The following P2RY8 variants were observed in gnomAD, a reference collection of about 807,000 sequenced individuals.
P2RY8 encodes S-geranylgeranyl-glutathione receptor P2RY8.
A neutral mutation model predicts 10.0 loss-of-function variants in P2RY8; 6 were observed. That is an observed-to-expected ratio of 0.60 (90% CI 0.33 to 1.19). The LOEUF is 1.19. Ranked by LOEUF, P2RY8 falls within the 50% of genes most tolerant of loss-of-function variation. P2RY8 has a pLI of 0.04. For missense variants in P2RY8, 456 were observed against 542.0 expected, an observed-to-expected ratio of 0.84 and a Z score of 1.58; for synonymous variants, 276 against 252.5, an observed-to-expected ratio of 1.09 and a Z score of -0.88.
chrX:1,475,742 G>T (rs2091866535), intron 1 of P2RY8, among the ~76,000 whole-genome samples: 2 of 152,172 alleles, frequency 1.3e-5, no homozygotes, highest in East Asian at 3.8e-4. Flanking sequence ...GGAAGACAAG[G>T]ATCTCAAGAC....
chrX:1,492,727 G>C lies in P2RY8; in HGVS notation c.-24-26145C>G, dbSNP rs774823485. On this transcript the variant is annotated intron_variant, in intron 1 of 1. Transcript: ENST00000381297. ...TGCCTCAAGCACTAGGGGTAGGCAGGTTGGGCTCCCAGTTGAGGGACAGAA... is the reference window on the plus strand; with the variant it reads ...TGCCTCAAGCACTAGGGGTAGGCAGCTTGGGCTCCCAGTTGAGGGACAGAA... Among the ~76,000 whole-genome samples the C allele has an allele frequency of 3.3e-5, 5 of 152,246 alleles. No homozygotes were observed. In the South Asian group the frequency reaches 1.0e-3, roughly 32 times the overall value.
rs2092321791 is a variant in P2RY8 at position 1,514,305 on chromosome X, T to A, written c.-25+22616A>T. On this transcript the variant is annotated intron_variant, in intron 1 of 1. Transcript: ENST00000381297. ...TTGGTATGGACACCCGCCCCTTTCC[T>A]TTCCTTTTCCTTTCCTTTCCATTTC... Among the ~76,000 whole-genome samples the A allele has an allele frequency of 2.0e-5, 3 of 150,290 alleles. No individual in the cohort carries two copies. In the Admixed American group the frequency reaches 2.0e-4, roughly 10 times the overall value.
At chrX:1,532,033 T>A (rs1463344579) in intron 1 of P2RY8, among the ~76,000 whole-genome samples, 1 of 152,152 alleles carries the variant, frequency 6.6e-6, no homozygotes, top group Non-Finnish European at 1.5e-5. Flanking sequence ...AGAACTACCA[T>A]TTGATCCAGC....
At chrX:1,522,352 C>T (rs2092399294) in intron 1 of P2RY8, among the ~76,000 whole-genome samples, 1 of 152,132 alleles carries the variant, frequency 6.6e-6, no homozygotes, top group African/African-American at 2.4e-5. Context: ...ATTCATGCCT[C>T]CGTGCAGCCA....
Position 1,466,241 on chromosome X carries a change from G to A in P2RY8, c.318C>T (p.Asn106=), listed in dbSNP as rs1420665152. 2 of 1,613,662 alleles carry A rather than the reference G, an allele frequency of 1.2e-6. No homozygotes were observed. Among genetic ancestry groups the A allele is most frequent in the African/African-American group, 1.3e-5 (1 of 74,924 alleles). The change falls in exon 2 of 2, where the codon AAC becomes AAT. Residue 106 remains asparagine (N), a synonymous_variant. Transcript: ENST00000381297. ...TCATGGTGAGGATGCTGGAATACAT[G>A]TTTGCGTAAAAGGCCACGGTCACCA... ...CNVVTVAFYA[N]MYSSILTMTC... is the part of the protein sequence containing the mutation.
chrX:1,529,810 T>C (rs776018174), intron 1 of P2RY8, among the ~76,000 whole-genome samples: 12 of 152,236 alleles, frequency 7.9e-5, no homozygotes, highest in African/African-American at 2.9e-4. Context: ...CTCATCTCTA[T>C]CATTTATCTG....
At chrX:1,476,170 G>C (rs1270486240) in intron 1 of P2RY8, among the ~76,000 whole-genome samples, 1 of 152,164 alleles carries the variant, frequency 6.6e-6, no homozygotes, top group East Asian at 1.9e-4. Flanking sequence ...GAAGAATCCA[G>C]CTTTGGGACA....
intron 1 of P2RY8, among the ~76,000 whole-genome samples, chrX:1,482,128 C>A (rs1306225647): frequency 6.6e-6 from 1 of 151,244 alleles, no homozygotes; most frequent in South Asian, 2.1e-4. Context: ...CATAAGAAGC[C>A]CCTTTTTGAA....
chrX:1,524,752 TCCATC>T lies in P2RY8; in HGVS notation c.-25+12164_-25+12168del, dbSNP rs1425549133. On this transcript the variant is annotated intron_variant, in intron 1 of 1. Coordinates refer to ENST00000381297, the MANE Select transcript of P2RY8 (RefSeq NM_178129.5). ...ATCCATACATCCATGCATCCATCCA[TCCATC>T]CATCCATCCATCCATCCATCCATCC... Among the ~76,000 whole-genome samples, 4 of 90,826 alleles carry T rather than the reference TCCATC, an allele frequency of 4.4e-5. No individual in the cohort carries two copies. The South Asian group carries it at 1.4e-3, about 31-fold the overall frequency. The allele number at this position is 90,826 out of a possible 152,430, so 59.6% of individuals were successfully genotyped here.
At chrX:1,511,540 G>A (rs1466136541) in intron 1 of P2RY8, among the ~76,000 whole-genome samples, 8 of 152,012 alleles carry the variant, frequency 5.3e-5, no homozygotes, top group Admixed American at 2.0e-4. Flanking sequence ...TTCTTTAAGC[G>A]ACGAGATCTC....
intron 1 of P2RY8, among the ~76,000 whole-genome samples, chrX:1,509,594 A>C: frequency 8.0e-6 from 1 of 124,726 alleles, no homozygotes; most frequent in Admixed American, 7.7e-5. Context: ...CATTGTATCT[A>C]TCATGTATCT....
intron 1 of P2RY8, among the ~76,000 whole-genome samples, chrX:1,491,630 A>G (rs1426849691): frequency 6.6e-6 from 1 of 152,216 alleles, no homozygotes; most frequent in Non-Finnish European, 1.5e-5. Context: ...GAATGTGTGG[A>G]GCAAATGAGT....
chrX:1,466,819 C>A (rs1394802501), intron 1 of P2RY8, among the ~76,000 whole-genome samples: 1 of 148,912 alleles, frequency 6.7e-6, no homozygotes, highest in Non-Finnish European at 1.5e-5. Context: ...CCTGTCTTCT[C>A]CCCTTTCTTC....
At chrX:1,535,728 G>GACAC (rs1394998161) in intron 1 of P2RY8, among the ~76,000 whole-genome samples, 54 of 54,898 alleles carry the variant, frequency 9.8e-4, no homozygotes, top group African/African-American at 3.6e-3. Context: ...CACACACACA[G>GACAC]ACACACACAC....
At chrX:1,488,744 G>A (rs1469567069) in intron 1 of P2RY8, among the ~76,000 whole-genome samples, 1 of 151,770 alleles carries the variant, frequency 6.6e-6, no homozygotes, top group Non-Finnish European at 1.5e-5. Flanking sequence ...GTGTGTGTGT[G>A]TGTGTGTGTG....
intron 1 of P2RY8, among the ~76,000 whole-genome samples, chrX:1,533,528 TTTTA>T (rs1424816738): frequency 9.2e-5 from 12 of 130,628 alleles, no homozygotes; most frequent in African/African-American, 2.7e-4. Flanking sequence ...TATATTTATA[TTTTA>T]TTTATTATTT....
Position 1,465,411 on chromosome X carries a change from G to T in P2RY8, c.*68C>A. ...CTGTTCTCCCTGAACCTCTGGCACCGTGGCCTCTCCATGCGCCCCTGGATC... is the reference window on the plus strand; with the variant it reads ...CTGTTCTCCCTGAACCTCTGGCACCTTGGCCTCTCCATGCGCCCCTGGATC... On this transcript the variant is annotated 3_prime_UTR_variant, in exon 2 of 2. Coordinates refer to ENST00000381297, the MANE Select transcript of P2RY8 (RefSeq NM_178129.5). 6.5e-7 allele frequency: 1 copy of T among 1,527,970 alleles called. No homozygotes were observed. Among genetic ancestry groups the T allele is most frequent in the Non-Finnish European group, 8.7e-7 (1 of 1,145,182 alleles). The allele number at this position is 1,527,970 out of a possible 1,614,324, so 94.7% of individuals were successfully genotyped here.
At chrX:1,471,415 C>T (rs1487186282) in intron 1 of P2RY8, among the ~76,000 whole-genome samples, 7 of 147,900 alleles carry the variant, frequency 4.7e-5, no homozygotes, top group African/African-American at 1.0e-4. Flanking sequence ...CCACCCTCCT[C>T]GGCCTCCCAA....
At chrX:1,471,825 C>T (rs1288805946) in intron 1 of P2RY8, among the ~76,000 whole-genome samples, 1 of 152,146 alleles carries the variant, frequency 6.6e-6, no homozygotes, top group Non-Finnish European at 1.5e-5. Flanking sequence ...CAGCTATTGT[C>T]TTCTGGCTAT....
Sources: allele counts gnomAD v4.1 joint callset (sites outside exome capture counted in the v4.1 genomes callset), GRCh38; gene constraint gnomAD v4.1.1; transcripts MANE v1.5; gene names NCBI Gene and HGNC (gene_info 2026-07-23, HGNC 2026-07-21).